SERP2: variants seen among roughly 807,000 people sequenced by gnomAD.
SERP2 encodes the protein stress associated endoplasmic reticulum protein family member 2.
SERP2 carries 6 observed loss-of-function variants against 9.1 expected under a neutral mutation model. The observed-to-expected ratio is 0.66, with a 90% CI of 0.36 to 1.30. SERP2 has a LOEUF of 1.30. SERP2 is among the 50% of genes most tolerant of loss of function. The pLI is 0.03. For synonymous variants in SERP2, 37 were observed against 27.3 expected, an observed-to-expected ratio of 1.35 and a Z score of -1.10; for missense variants, 58 against 81.9, an observed-to-expected ratio of 0.71 and a Z score of 1.13.
intron 1 of SERP2, among the ~76,000 whole-genome samples, chr13:44,376,771 T>C (rs1042994519): frequency 1.4e-4 from 21 of 150,902 alleles, no homozygotes; most frequent in African/African-American, 5.1e-4. Context: ...CAAGACTCCG[T>C]CTAAAAAAAA....
intron 2 of SERP2, among the ~76,000 whole-genome samples, chr13:44,381,788 A>G (rs553876740): frequency 1.1e-4 from 17 of 152,276 alleles, no homozygotes; most frequent in African/African-American, 4.1e-4. Flanking sequence ...ACACATCTAC[A>G]TACCCCTTTA....
intron 2 of SERP2, among the ~76,000 whole-genome samples, chr13:44,395,014 T>G (rs1448089203): frequency 6.6e-6 from 1 of 152,254 alleles, no homozygotes; most frequent in Non-Finnish European, 1.5e-5. Context: ...AGCAAAGAGC[T>G]GATATTCAAC....
chr13:44,374,159 T>TGGGGGGGG, intron 1 of SERP2, 50 bp downstream of exon 1: 1 of 597,376 alleles, frequency 1.7e-6, no homozygotes, highest in Non-Finnish European at 2.7e-6. Flanking sequence ...CCCGGCGGGG[T>TGGGGGGGG]GGGGCGGAAG....
intron 2 of SERP2, chr13:44,390,546 G>T (rs899962750): frequency 3.3e-5 from 14 of 419,074 alleles, no homozygotes; most frequent in South Asian, 2.1e-4. Context: ...TGCACAGCCT[G>T]AAGACATCTC....
At chr13:44,384,251 G>GA (rs1320532285) in intron 2 of SERP2, among the ~76,000 whole-genome samples, 1 of 152,064 alleles carries the variant, frequency 6.6e-6, no homozygotes, top group Non-Finnish European at 1.5e-5. Context: ...CACCTCTCTG[G>GA]AATTAGTCAC....
chr13:44,390,611 A>AT (rs1000517203), intron 2 of SERP2: 10 of 304,500 alleles, frequency 3.3e-5, no homozygotes, highest in Non-Finnish European at 4.0e-5. Context: ...CCCTGGGGGC[A>AT]TTTGGGATTG....
At chr13:44,385,941 A>T (rs1389503380) in intron 2 of SERP2, among the ~76,000 whole-genome samples, 1 of 151,752 alleles carries the variant, frequency 6.6e-6, no homozygotes, top group Non-Finnish European at 1.5e-5. Flanking sequence ...GGGTGCTTCA[A>T]CTCCCACATG....
In SERP2 at chr13:44,383,842, C is replaced by T. The variant is rs540890108; in HGVS notation, c.157+4129C>T. 1.3e-3 allele frequency among the ~76,000 whole-genome samples: 190 copies of T among 151,946 alleles called. 1 individual carries two copies. Among genetic ancestry groups the T allele is most frequent in the South Asian group, 3.7e-3 (18 of 4,816 alleles). On this transcript the variant is annotated intron_variant, in intron 2 of 2. Coordinates refer to ENST00000379179, the MANE Select transcript of SERP2 (RefSeq NM_001010897.3). The stretch of plus-strand genomic sequence containing the variant: ...CTGGGATTACAGGCATGAGCCAATG[C>T]GCTCGGCCACCCAGGGCTCTTTCAA...
chr13:44,396,484 A>G (rs1056448693), intron 2 of SERP2, among the ~76,000 whole-genome samples: 3 of 151,702 alleles, frequency 2.0e-5, no homozygotes, highest in African/African-American at 7.3e-5. Flanking sequence ...TCTTATCATT[A>G]CCATCATCTT....
intron 2 of SERP2, chr13:44,390,324 T>C: frequency 2.7e-6 from 1 of 364,010 alleles, no homozygotes; most frequent in South Asian, 1.8e-5. Flanking sequence ...GGACACTTGC[T>C]CCAGGACAGA....
Position 44,388,523 on chromosome 13 carries a change from G to T in SERP2, c.158-8749G>T, listed in dbSNP as rs1326189028. Among the ~76,000 whole-genome samples the T allele has an allele frequency of 2.0e-5, 3 of 152,356 alleles. No individual in the cohort carries two copies. In the East Asian group the frequency reaches 5.8e-4, roughly 29 times the overall value. On this transcript the variant is annotated intron_variant, in intron 2 of 2. Coordinates refer to ENST00000379179, the MANE Select transcript of SERP2 (RefSeq NM_001010897.3). ...CAGGGCTGGCCTCTGTTATTGCAGA[G>T]TTAATGCCTTTCAACAAAGAGCCTG...
chr13:44,390,513 G>A (rs2138794289), intron 2 of SERP2: 1 of 450,922 alleles, frequency 2.2e-6, no homozygotes, highest in Admixed American at 2.4e-5. Flanking sequence ...ATCTGCTCTG[G>A]AGTTCATCCT....
rs545059833 is a variant in SERP2, at chr13:44,395,206, A to C, written c.158-2066A>C. On this transcript the variant is annotated intron_variant, in intron 2 of 2. Coordinates refer to ENST00000379179, the MANE Select transcript of SERP2 (RefSeq NM_001010897.3). The stretch of plus-strand genomic sequence containing the variant: ...GAGCCAGAATACAGAATGTTTATTT[A>C]ATTTTTACTCCTTGTGAGCCTTGGT... 8.5e-5 allele frequency among the ~76,000 whole-genome samples: 13 copies of C among 152,248 alleles called. No individual in the cohort carries two copies. The South Asian group carries it at 2.7e-3, about 32-fold the overall frequency.
chr13:44,392,196 C>CAAAAAAAAAAGAA (rs1872816546), intron 2 of SERP2, among the ~76,000 whole-genome samples: 2 of 35,980 alleles, frequency 5.6e-5, no homozygotes, highest in African/African-American at 2.5e-4. Context: ...GACTCTGTCT[C>CAAAAAAAAAAGAA]AAAAAAAAAA....
At chr13:44,382,771 TG>T (rs1872070425) in intron 2 of SERP2, among the ~76,000 whole-genome samples, 1 of 152,222 alleles carries the variant, frequency 6.6e-6, no homozygotes, top group Non-Finnish European at 1.5e-5. Flanking sequence ...CATCATGTCT[TG>T]AGGGTCCCCT....
intron 2 of SERP2, chr13:44,395,960 A>C: frequency 2.3e-6 from 1 of 425,634 alleles, no homozygotes; most frequent in South Asian, 1.7e-5. Flanking sequence ...GTGTCAGATC[A>C]CACGCAGCCT....
chr13:44,392,184 G>A (rs143051077), intron 2 of SERP2, among the ~76,000 whole-genome samples: 6 of 14,568 alleles, frequency 4.1e-4, no homozygotes, highest in East Asian at 2.6e-3. Context: ...GTGACAGAGT[G>A]AGACTCTGTC....
intron 2 of SERP2, chr13:44,390,763 C>T (rs1199555534): frequency 6.1e-6 from 1 of 162,842 alleles, no homozygotes; most frequent in Admixed American, 6.2e-5. Flanking sequence ...TCCCTCTTCT[C>T]CATCTCTAGA....
intron 2 of SERP2, among the ~76,000 whole-genome samples, chr13:44,395,390 G>A (rs2138801229): frequency 6.6e-6 from 1 of 151,898 alleles, no homozygotes; most frequent in Non-Finnish European, 1.5e-5. Flanking sequence ...GGATCACGAG[G>A]TCAGGAGATC....
Sources: allele counts gnomAD v4.1 joint callset (sites outside exome capture counted in the v4.1 genomes callset), GRCh38; gene constraint gnomAD v4.1.1; transcripts MANE v1.5; gene names NCBI Gene and HGNC (gene_info 2026-07-23, HGNC 2026-07-21).